The following CREB5 variants were observed in gnomAD, a reference collection of about 807,000 sequenced individuals.
CREB5 encodes the protein cyclic AMP-responsive element-binding protein 5.
In CREB5, 19 loss-of-function variants were observed where a neutral mutation model predicts 57.1. That is an observed-to-expected ratio of 0.33 (90% CI 0.23 to 0.49). The LOEUF is 0.49. Ranked by LOEUF, CREB5 falls within the 20% of genes least tolerant of loss-of-function variation. The pLI, the probability that CREB5 is intolerant of heterozygous loss-of-function variation, is 0.99. For synonymous variants in CREB5, 238 were observed against 238.3 expected (o/e 1.00, Z 0.01); for missense variants, 579 against 671.6 (o/e 0.86, Z 1.52).
In CREB5 at chr7:28,583,709, G is replaced by A. The variant is rs571337406; in HGVS notation, c.464+13172G>A. Among the ~76,000 whole-genome samples the A allele has an allele frequency of 8.6e-5, 13 of 152,040 alleles. No individual in the cohort carries two copies. In the South Asian group the frequency reaches 1.7e-3, roughly 20 times the overall value. ...ATTTTTATTTTTGAGATGGAGTTTC[G>A]CTCTTGTTGCCCAGGCTGGAGTGCA... On this transcript the variant is annotated intron_variant, in intron 5 of 10. Transcript: ENST00000357727.
intron 5 of CREB5, among the ~76,000 whole-genome samples, chr7:28,601,258 C>T (rs892707214): frequency 6.6e-6 from 1 of 151,444 alleles, no homozygotes; most frequent in Non-Finnish European, 1.5e-5. Context: ...GGGATTTGTT[C>T]TACAGACATG....
intron 4 of CREB5, among the ~76,000 whole-genome samples, chr7:28,560,845 C>CGTGT (rs1396686194): frequency 6.0e-4 from 25 of 41,342 alleles, no homozygotes; most frequent in East Asian, 1.9e-3. Flanking sequence ...TGTGTGTGTG[C>CGTGT]GCGTGTGTGT....
chr7:28,562,507 A>G (rs957910407), intron 4 of CREB5, among the ~76,000 whole-genome samples: 2 of 152,224 alleles, frequency 1.3e-5, no homozygotes, highest in African/African-American at 2.4e-5. Context: ...CTTGCTGCTC[A>G]GGAGCTGACA....
intron 1 of CREB5, among the ~76,000 whole-genome samples, chr7:28,431,014 G>T (rs1788688857): frequency 6.6e-6 from 1 of 152,146 alleles, no homozygotes; most frequent in South Asian, 2.1e-4. Context: ...CTGGCTGTTG[G>T]CCTGAGACAT....
At chr7:28,784,133 A>G (rs1464782149) in intron 7 of CREB5, among the ~76,000 whole-genome samples, 1 of 152,166 alleles carries the variant, frequency 6.6e-6, no homozygotes, top group Non-Finnish European at 1.5e-5. Context: ...TTTCATTGCA[A>G]TTGATGGGCT....
At chr7:28,364,190 C>T (rs557079415) in intron 1 of CREB5, among the ~76,000 whole-genome samples, 4 of 152,056 alleles carry the variant, frequency 2.6e-5, no homozygotes, top group Non-Finnish European at 5.9e-5. Flanking sequence ...AACTTTTTGC[C>T]GGAAATCTTC....
At chr7:28,615,528 A>AT (rs1797564158) in intron 5 of CREB5, 1 of 152,420 alleles carries the variant, frequency 6.6e-6, no homozygotes, top group African/African-American at 2.4e-5. Flanking sequence ...CCATGACAGC[A>AT]GCTACTCAGG....
chr7:28,700,908 T>C (rs1046997571), intron 5 of CREB5, among the ~76,000 whole-genome samples: 42 of 151,696 alleles, frequency 2.8e-4, no homozygotes, highest in African/African-American at 9.5e-4. Flanking sequence ...TCATCTAACT[T>C]CTGAGTTTTC....
chr7:28,630,831 T>TA (rs1798173382), intron 5 of CREB5, among the ~76,000 whole-genome samples: 1 of 152,222 alleles, frequency 6.6e-6, no homozygotes, highest in Non-Finnish European at 1.5e-5. Context: ...CATATGTTTA[T>TA]AGAGTCTTTC....
At chr7:28,663,678 CAT>C in intron 5 of CREB5, among the ~76,000 whole-genome samples, 1 of 152,184 alleles carries the variant, frequency 6.6e-6, no homozygotes, top group East Asian at 1.9e-4. Context: ...TTTCTTTACA[CAT>C]ATAATCCTAG....
intron 3 of CREB5, among the ~76,000 whole-genome samples, chr7:28,505,353 C>T (rs553576375): frequency 6.6e-6 from 1 of 152,304 alleles, no homozygotes; most frequent in African/African-American, 2.4e-5. Context: ...ATCAAACTTC[C>T]AGCTGTTACT....
At chr7:28,792,979 C>T (rs1807815500) in intron 7 of CREB5, among the ~76,000 whole-genome samples, 1 of 152,202 alleles carries the variant, frequency 6.6e-6, no homozygotes, top group South Asian at 2.1e-4. Flanking sequence ...AGAACTGTCA[C>T]AGCAAGTTGA....
At chr7:28,482,099 T>C (rs1791356148) in intron 1 of CREB5, among the ~76,000 whole-genome samples, 1 of 152,272 alleles carries the variant, frequency 6.6e-6, no homozygotes, top group African/African-American at 2.4e-5. Context: ...TGAATGGTCC[T>C]GTTCTACAGT....
chr7:28,762,067 C>T (rs2128770289), intron 7 of CREB5, among the ~76,000 whole-genome samples: 1 of 152,220 alleles, frequency 6.6e-6, no homozygotes, highest in East Asian at 1.9e-4. Flanking sequence ...AACTTACCAG[C>T]TAAGTCATTT....
chr7:28,759,788 G>A (rs532725954), intron 7 of CREB5, among the ~76,000 whole-genome samples: 5 of 152,192 alleles, frequency 3.3e-5, no homozygotes, highest in Admixed American at 6.5e-5. Context: ...CTGGGCAGTG[G>A]GAACCATTTG....
chr7:28,572,415 G>A (rs1429302597), intron 5 of CREB5, among the ~76,000 whole-genome samples: 1 of 152,190 alleles, frequency 6.6e-6, no homozygotes, highest in Non-Finnish European at 1.5e-5. Context: ...GGGTGGAGTA[G>A]ATTCATTAAA....
chr7:28,306,540 AGTTTT>A (rs1162633754), intron 1 of CREB5, among the ~76,000 whole-genome samples: 1 of 76,152 alleles, frequency 1.3e-5, no homozygotes, highest in Non-Finnish European at 2.6e-5. Context: ...ATACAGATAC[AGTTTT>A]GTTTTTTTTG....
Position 28,820,717 on chromosome 7 carries a change from C to T in CREB5, c.*1438C>T, listed in dbSNP as rs1241128698. 1.3e-5 allele frequency: 2 copies of T among 152,326 alleles called. No individual in the cohort carries two copies. Among genetic ancestry groups the T allele is most frequent in the African/African-American group, 4.8e-5 (2 of 41,406 alleles). The allele number at this position is 152,326 out of a possible 1,614,324, so 9.4% of individuals were successfully genotyped here. On this transcript the variant is annotated 3_prime_UTR_variant, in exon 11 of 11. Transcript: ENST00000357727. The stretch of plus-strand genomic sequence containing the variant: ...CCTCCGAGTTCAAGCTATCCTTCCA[C>T]CTCCGCCTCCTGAGTAGCTGGGACC...
chr7:28,675,582 T>C (rs1800280359), intron 5 of CREB5, among the ~76,000 whole-genome samples: 2 of 152,130 alleles, frequency 1.3e-5, no homozygotes, highest in South Asian at 2.1e-4. Context: ...AGGATCTCAA[T>C]TGTGCTGAGG....
Sources: allele counts gnomAD v4.1 joint callset (sites outside exome capture counted in the v4.1 genomes callset), GRCh38; gene constraint gnomAD v4.1.1; transcripts MANE v1.5; gene names NCBI Gene and HGNC (gene_info 2026-07-23, HGNC 2026-07-21).